Variants in ARMC3 observed in about 807,000 individuals in gnomAD.
The protein encoded by ARMC3 is armadillo repeat containing 3.
ARMC3 carries 74 observed loss-of-function variants against 90.3 expected under a neutral mutation model. The observed-to-expected ratio is 0.82, with a 90% CI of 0.68 to 0.99. The LOEUF (loss-of-function observed/expected upper bound fraction) is 0.99. ARMC3 is among the 50% of genes least tolerant of loss of function. The pLI is 0.00. For synonymous variants in ARMC3, 334 were observed against 361.8 expected, an observed-to-expected ratio of 0.92 and a Z score of 0.87; for missense variants, 958 against 1,042.8, an observed-to-expected ratio of 0.92 and a Z score of 1.12.
At chr10:23,017,473 A>G (rs1838325724) in intron 16 of ARMC3, among the ~76,000 whole-genome samples, 1 of 152,204 alleles carries the variant, frequency 6.6e-6, no homozygotes, top group Non-Finnish European at 1.5e-5. Flanking sequence ...TGAGTATATA[A>G]CAAGTGATTG....
chr10:23,008,981 G>C, intron 16 of ARMC3, 50 bp downstream of exon 16: 1 of 1,491,768 alleles, frequency 6.7e-7, no homozygotes, highest in Non-Finnish European at 9.3e-7. Context: ...TGGTGGAAGG[G>C]AGGGGTGGCT....
chr10:22,981,640 T>C lies in ARMC3; in HGVS notation c.1115T>C (p.Val372Ala), dbSNP rs1240095154. The part of the protein sequence containing the change: ...IQLLKSDNEE[V>A]REAAALALAN... ...TTGCTAAAAAGTGACAATGAAGAGGTACGGGAAGCAGCAGCTCTAGCCCTG... is the reference window on the plus strand; with the variant it reads ...TTGCTAAAAAGTGACAATGAAGAGGCACGGGAAGCAGCAGCTCTAGCCCTG... Residue 372 changes from valine to alanine, a missense_variant, in exon 10 of 19, where the codon GTA becomes GCA. Coordinates refer to ENST00000298032, the MANE Select transcript of ARMC3 (RefSeq NM_173081.5). 1.2e-6 allele frequency: 2 copies of C among 1,613,990 alleles called. No homozygotes were observed. Among genetic ancestry groups the C allele is most frequent in the African/African-American group, 2.7e-5 (2 of 74,926 alleles).
intron 16 of ARMC3, among the ~76,000 whole-genome samples, chr10:23,027,353 C>T (rs1838749394): frequency 6.6e-6 from 1 of 152,118 alleles, no homozygotes; most frequent in South Asian, 2.1e-4. Flanking sequence ...ACATGTTTTG[C>T]AAAGTTTATC....
intron 8 of ARMC3, among the ~76,000 whole-genome samples, chr10:22,970,167 A>G (rs1022990535): frequency 2.0e-5 from 3 of 152,224 alleles, no homozygotes; most frequent in Admixed American, 6.5e-5. Context: ...ACAGACCTGG[A>G]TCAGAAAAAT....
intron 14 of ARMC3, among the ~76,000 whole-genome samples, chr10:23,007,922 G>A (rs1330519263): frequency 6.6e-6 from 1 of 152,004 alleles, no homozygotes; most frequent in African/African-American, 2.4e-5. Context: ...TGGGCAACAC[G>A]GTGAAACCCC....
chr10:23,025,917 C>T (rs867363887), intron 16 of ARMC3, among the ~76,000 whole-genome samples: 1 of 152,008 alleles, frequency 6.6e-6, no homozygotes, highest in Admixed American at 6.6e-5. Context: ...ATTACTATAA[C>T]CCCTCAACAC....
chr10:22,941,789 GT>G (rs1834338538), intron 2 of ARMC3, among the ~76,000 whole-genome samples: 1 of 152,164 alleles, frequency 6.6e-6, no homozygotes, highest in Non-Finnish European at 1.5e-5. Flanking sequence ...GGAAGTAAGA[GT>G]GTTAAATGTT....
intron 16 of ARMC3, among the ~76,000 whole-genome samples, chr10:23,013,073 A>T (rs1022377217): frequency 3.3e-5 from 5 of 151,670 alleles, no homozygotes; most frequent in Non-Finnish European, 7.4e-5. Context: ...TTTTATTTTT[A>T]TTTTTATTAG....
intron 3 of ARMC3, among the ~76,000 whole-genome samples, chr10:22,953,631 T>C (rs986230875): frequency 2.0e-5 from 3 of 152,120 alleles, no homozygotes; most frequent in Non-Finnish European, 4.4e-5. Flanking sequence ...AAGAGAAGGA[T>C]GTCTGCTATC....
At chr10:22,971,493 T>C (rs1382866881) in intron 8 of ARMC3, among the ~76,000 whole-genome samples, 1 of 148,542 alleles carries the variant, frequency 6.7e-6, no homozygotes, top group East Asian at 2.0e-4. Context: ...CAGGCTGGAG[T>C]GCAGTGGTGT....
At chr10:23,021,493 T>C (rs1400374053) in intron 16 of ARMC3, among the ~76,000 whole-genome samples, 1 of 152,156 alleles carries the variant, frequency 6.6e-6, no homozygotes, top group Non-Finnish European at 1.5e-5. Flanking sequence ...TATTTTTTAG[T>C]TTTTTAGTAA....
chr10:23,012,633 C>T (rs1351720874), intron 16 of ARMC3, among the ~76,000 whole-genome samples: 3 of 152,106 alleles, frequency 2.0e-5, no homozygotes, highest in Non-Finnish European at 2.9e-5. Context: ...ATACAATCAC[C>T]CATGCCTAGG....
At chr10:22,959,047 A>G in intron 4 of ARMC3, 23 bp from the exon 5 acceptor site, 2 of 1,544,410 alleles carry the variant, frequency 1.3e-6, no homozygotes, top group South Asian at 1.1e-5. Flanking sequence ...ATAAACATCA[A>G]TACTCTGTTT....
intron 2 of ARMC3, among the ~76,000 whole-genome samples, chr10:22,943,287 T>C (rs1173360827): frequency 1.3e-5 from 2 of 152,220 alleles, no homozygotes; most frequent in African/African-American, 4.8e-5. Context: ...CCTATCATTT[T>C]ATTTGAAGTT....
Position 23,038,279 on chromosome 10 carries a change from GA to G in ARMC3, c.*801del, listed in dbSNP as rs2131586610. 6.6e-6 allele frequency: 1 copy of G among 152,226 alleles called. No individual in the cohort carries two copies. Among genetic ancestry groups the G allele is most frequent in the Non-Finnish European group, 1.5e-5 (1 of 68,012 alleles). The allele number at this position is 152,226 out of a possible 1,614,324, so 9.4% of individuals were successfully genotyped here. ...TGCTGAGGAATTGTGTTTTAGTATT[GA>G]GCACAAAATGGGGAGTAAATTCACA... is the stretch of plus-strand genomic sequence containing the variant. On this transcript the variant is annotated 3_prime_UTR_variant, in exon 19 of 19. Coordinates refer to ENST00000298032, the MANE Select transcript of ARMC3 (RefSeq NM_173081.5).
At chr10:22,930,135 T>C (rs558589205) in intron 1 of ARMC3, among the ~76,000 whole-genome samples, 7 of 151,338 alleles carry the variant, frequency 4.6e-5, no homozygotes, top group African/African-American at 9.7e-5. Flanking sequence ...AACTCTCTCT[T>C]TTTTTTTTCC....
intron 3 of ARMC3, among the ~76,000 whole-genome samples, chr10:22,953,235 T>A (rs1424943282): frequency 6.6e-6 from 1 of 152,132 alleles, no homozygotes; most frequent in Non-Finnish European, 1.5e-5. Flanking sequence ...GGAAATGGAT[T>A]CTGCCATTGG....
At chr10:22,933,953 C>A (rs754993885) in intron 2 of ARMC3, among the ~76,000 whole-genome samples, 2 of 152,082 alleles carry the variant, frequency 1.3e-5, no homozygotes, top group Non-Finnish European at 2.9e-5. Flanking sequence ...ATATCTAAGC[C>A]CTTTTCTACA....
intron 16 of ARMC3, among the ~76,000 whole-genome samples, chr10:23,023,934 T>C (rs1838611103): frequency 6.6e-6 from 1 of 152,148 alleles, no homozygotes; most frequent in Admixed American, 6.5e-5. Flanking sequence ...TGAAAGAGTA[T>C]TCAAACAGGT....
Sources: allele counts gnomAD v4.1 joint callset (sites outside exome capture counted in the v4.1 genomes callset), GRCh38; gene constraint gnomAD v4.1.1; transcripts MANE v1.5; gene names NCBI Gene and HGNC (gene_info 2026-07-23, HGNC 2026-07-21).